The following MED12L variants were observed in gnomAD, a reference collection of about 807,000 sequenced individuals.
MED12L encodes mediator complex subunit 12L, also known as mediator of RNA polymerase II transcription subunit 12-like protein.
In MED12L, 60 loss-of-function variants were observed where a neutral mutation model predicts 281.3. The observed-to-expected ratio is 0.21, with a 90% CI of 0.17 to 0.26. MED12L has a LOEUF of 0.26. MED12L is among the 10% of genes least tolerant of loss of function. MED12L has a pLI of 1.00. For synonymous variants in MED12L, 974 were observed against 987.2 expected (o/e 0.99, Z 0.25); for missense variants, 2,146 against 2,680.9 (o/e 0.80, Z 4.41).
chr3:151,165,407 G>A lies in MED12L; in HGVS notation c.1258-13G>A, dbSNP rs775527472. 1.7e-5 allele frequency: 28 copies of A among 1,607,346 alleles called. No homozygotes were observed. The highest frequency in any genetic ancestry group is 2.2e-5 in the Non-Finnish European group (26 of 1,174,182). ...TTCCAAGCACAAGTTAATTAGAAGC[G>A]ATTATCTTTCAGGTTCGGGCAAGGA... On this transcript the variant is annotated splice_polypyrimidine_tract_variant and intron_variant, in intron 9 of 44. Coordinates refer to ENST00000687756, the MANE Select transcript of MED12L (RefSeq NM_001393769.1).
At chr3:151,270,520 G>A (rs971132627) in intron 16 of MED12L, among the ~76,000 whole-genome samples, 9 of 152,166 alleles carry the variant, frequency 5.9e-5, no homozygotes, top group African/African-American at 1.4e-4. Context: ...GAATTTTAGC[G>A]CTTTTCTTCC....
intron 16 of MED12L, among the ~76,000 whole-genome samples, chr3:151,322,313 G>A (rs898879730): frequency 2.6e-5 from 4 of 152,038 alleles, no homozygotes; most frequent in East Asian, 3.9e-4. Flanking sequence ...TGCCTCCCGA[G>A]TTGCTGGGAC....
chr3:151,316,686 C>G (rs1338996447), intron 16 of MED12L: 3 of 152,126 alleles, frequency 2.0e-5, no homozygotes, highest in Non-Finnish European at 4.4e-5. Flanking sequence ...AAACTAAGGT[C>G]GGCAGGGAAG....
At chr3:151,355,272 CAGTA>C (rs1195084004) in intron 18 of MED12L, 33 bp downstream of exon 18, 1 of 1,464,216 alleles carries the variant, frequency 6.8e-7, no homozygotes, top group South Asian at 1.2e-5. Context: ...TATGCATTTG[CAGTA>C]TTCTAATTTA....
intron 9 of MED12L, among the ~76,000 whole-genome samples, chr3:151,164,285 A>G (rs1483465045): frequency 6.6e-6 from 1 of 152,098 alleles, no homozygotes; most frequent in East Asian, 1.9e-4. Context: ...TGCCACCCAG[A>G]CTGTAATTAT....
At chr3:151,359,461 C>T (rs1230260859) in intron 20 of MED12L, among the ~76,000 whole-genome samples, 1 of 152,090 alleles carries the variant, frequency 6.6e-6, no homozygotes, top group East Asian at 1.9e-4. Flanking sequence ...TCCTTGGTTC[C>T]ACCTATGGTA....
intron 11 of MED12L, among the ~76,000 whole-genome samples, chr3:151,177,986 T>C (rs1722260233): frequency 6.6e-6 from 1 of 151,864 alleles, no homozygotes; most frequent in African/African-American, 2.4e-5. Flanking sequence ...TGTTCTTATG[T>C]ATCTCATTCA....
rs1434923219 is a variant in MED12L at position 151,435,476 on chromosome 3, A to G, written c.*2672A>G. On this transcript the variant is annotated 3_prime_UTR_variant, in exon 45 of 45. Coordinates refer to ENST00000687756, the MANE Select transcript of MED12L (RefSeq NM_001393769.1). The stretch of plus-strand genomic sequence containing the variant: ...TTTTAGGCTGAGATGGGGCTAACTG[A>G]AAGTCAGTGTGATGAAAACCCAAGG... 2 of 152,166 alleles carry G rather than the reference A, an allele frequency of 1.3e-5. No individual in the cohort carries two copies. The highest frequency in any genetic ancestry group is 4.8e-5 in the African/African-American group (2 of 41,438). 9.4% of individuals were successfully genotyped at this position (152,166 alleles called of 1,614,324 possible).
Position 151,122,943 on chromosome 3 carries a change from G to A in MED12L, c.365G>A (p.Gly122Glu). 6.2e-7 allele frequency: 1 copy of A among 1,607,002 alleles called. No homozygotes were observed. The highest frequency in any genetic ancestry group is 2.2e-5 in the East Asian group (1 of 44,762). Reference protein sequence around the residue: ...AIHSWFSDLAGNKPLSILAKK... With the variant: ...AIHSWFSDLAENKPLSILAKK... ...CATAGTTGGTTTTCTGACTTAGCAG[G>A]AAATAAGCCACTTTCTATTTTGGCA... Residue 122 changes from glycine to glutamate, a missense_variant, in exon 4 of 45, where the codon GGA (glycine) becomes GAA (glutamate). This residue lies in a region of MED12L where 722 missense variants were observed against 861.2 expected (regional missense o/e 0.84). Coordinates refer to ENST00000687756, the MANE Select transcript of MED12L (RefSeq NM_001393769.1).
intron 34 of MED12L, 60 bp from the exon 35 acceptor site, chr3:151,384,023 C>A: frequency 1.9e-6 from 3 of 1,546,986 alleles, no homozygotes; most frequent in East Asian, 2.3e-5. Context: ...TAAAAATACT[C>A]AGTTAAATAA....
At chr3:151,340,049 G>T (rs1751610994) in intron 16 of MED12L, among the ~76,000 whole-genome samples, 1 of 152,040 alleles carries the variant, frequency 6.6e-6, no homozygotes, top group Non-Finnish European at 1.5e-5. Flanking sequence ...CCTTAATTAT[G>T]GAAGGAAAAC....
At chr3:151,271,585 A>G (rs1032198615) in intron 16 of MED12L, among the ~76,000 whole-genome samples, 4 of 152,232 alleles carry the variant, frequency 2.6e-5, no homozygotes, top group African/African-American at 9.6e-5. Context: ...ACAACAGCCA[A>G]AAGTTGGGAA....
chr3:151,145,251 CA>C (rs1717607053), intron 5 of MED12L, among the ~76,000 whole-genome samples: 1 of 152,172 alleles, frequency 6.6e-6, no homozygotes, highest in South Asian at 2.1e-4. Context: ...TAATGCATGT[CA>C]GGGGCTTAGA....
intron 39 of MED12L, among the ~76,000 whole-genome samples, chr3:151,400,109 G>T (rs1715487251): frequency 6.6e-6 from 1 of 151,920 alleles, no homozygotes; most frequent in African/African-American, 2.4e-5. Flanking sequence ...TTATAGGCGC[G>T]AGCCACCGCG....
In MED12L at chr3:151,355,900, C is replaced by A; in HGVS notation, c.2522C>A (p.Ser841Tyr). The A allele has an allele frequency of 6.2e-7, 1 of 1,608,206 alleles. No homozygotes were observed. The highest frequency in any genetic ancestry group is 8.5e-7 in the Non-Finnish European group (1 of 1,178,416). ...TTTTTGTTTTTATTTGCACAGATTT[C>A]TAACAATGTGCTAGAACAAATCACA... is the stretch of plus-strand genomic sequence containing the variant. The part of the protein sequence containing the change: ...FDQHQVTSQI[S>Y]NNVLEQITSF... Residue 841 changes from serine (S) to tyrosine (Y), a missense_variant, in exon 19 of 45, where the codon TCT (serine) becomes TAT (tyrosine). Physicochemically the swap from Ser to Tyr is moderately radical, Grantham distance 144 (BLOSUM62 -2). Coordinates refer to ENST00000687756, the MANE Select transcript of MED12L (RefSeq NM_001393769.1).
chr3:151,316,522 T>C lies in MED12L; in HGVS notation c.2251-33537T>C, dbSNP rs527984500. ...GAGTTAAGCAGAAGTATAATTACAG[T>C]TTTTAATCATTGCTGTGTCTTATCA... On this transcript the variant is annotated intron_variant, in intron 16 of 44. Coordinates refer to ENST00000687756, the MANE Select transcript of MED12L (RefSeq NM_001393769.1). 3 of 152,326 alleles carry C rather than the reference T, an allele frequency of 2.0e-5. No individual in the cohort carries two copies. In the South Asian group the frequency reaches 6.2e-4, roughly 32 times the overall value. The allele number at this position is 152,326 out of a possible 1,614,324, so 9.4% of individuals were successfully genotyped here. A position where few individuals can be genotyped will look rare whatever the true frequency, so the allele number is the denominator to read the frequency against.
intron 5 of MED12L, among the ~76,000 whole-genome samples, chr3:151,138,932 G>C (rs1205097869): frequency 6.6e-6 from 1 of 152,044 alleles, no homozygotes; most frequent in African/African-American, 2.4e-5. Flanking sequence ...CTTGAGGGCA[G>C]AGTATCTACT....
chr3:151,198,714 T>C (rs947100877), intron 16 of MED12L: 2 of 1,613,774 alleles, frequency 1.2e-6, no homozygotes, highest in African/African-American at 1.3e-5. Flanking sequence ...ACTAAAAGTA[T>C]GTTGATGAGA....
chr3:151,138,617 T>G (rs1401451810), intron 5 of MED12L, among the ~76,000 whole-genome samples: 1 of 152,220 alleles, frequency 6.6e-6, no homozygotes, highest in Non-Finnish European at 1.5e-5. Context: ...TTTGACAGTT[T>G]TGAGGAGTAC....
Sources: gnomAD v4.1 joint callset for allele counts (sites outside exome capture counted in the v4.1 genomes callset) on GRCh38, gnomAD v4.1.1 for gene constraint, gnomAD v4.1.1 regional missense constraint, MANE v1.5 for transcripts, NCBI Gene and HGNC (gene_info 2026-07-23, HGNC 2026-07-21) for gene names.